Variants in PNOC observed in about 807,000 individuals in gnomAD.
PNOC encodes the protein prepronociceptin.
A neutral mutation model predicts 15.6 loss-of-function variants in PNOC; 10 were observed. The observed-to-expected ratio is 0.64, with a 90% CI of 0.40 to 1.09. The LOEUF (loss-of-function observed/expected upper bound fraction) is 1.09, where lower values mean the gene tolerates loss of function less well. PNOC is among the 50% of genes least tolerant of loss of function. PNOC has a pLI of 0.01. For missense variants in PNOC, 220 were observed against 223.9 expected, an observed-to-expected ratio of 0.98 and a Z score of 0.11; for synonymous variants, 98 against 88.5, an observed-to-expected ratio of 1.11 and a Z score of -0.60.
intron 2 of PNOC, among the ~76,000 whole-genome samples, chr8:28,330,955 C>T (rs186953476): frequency 5.3e-5 from 8 of 152,024 alleles, no homozygotes; most frequent in Admixed American, 2.6e-4. Flanking sequence ...TCTTTTAAAC[C>T]CCTTAACCTT....
At position 28,339,379 on chromosome 8, in the gene PNOC, T is replaced by C. The variant is rs1390366231; in HGVS notation, c.466T>C (p.Tyr156His). 6.3e-7 allele frequency: 1 copy of C among 1,589,390 alleles called. No homozygotes were observed. Among genetic ancestry groups the C allele is most frequent in the Non-Finnish European group, 8.6e-7 (1 of 1,164,380 alleles). Residue 156 changes from tyrosine (Y) to histidine (H), a missense_variant, in exon 3 of 4, where the codon TAC (tyrosine) becomes CAC (histidine). By Grantham distance (83) the Tyr-to-His change is moderately conservative (BLOSUM62 2). Transcript: ENST00000301908. Reference sequence around the variant, plus strand: ...GCGGTTCAGTGAGTTTATGAGGCAATACTTGGTCCTGAGCATGCAGTCCAG... The same window carrying C: ...GCGGTTCAGTGAGTTTATGAGGCAACACTTGGTCCTGAGCATGCAGTCCAG... ...QKRFSEFMRQ[Y>H]LVLSMQSSQR...
chr8:28,321,526 C>G (rs1025488942), intron 1 of PNOC, among the ~76,000 whole-genome samples: 27 of 152,080 alleles, frequency 1.8e-4, no homozygotes, highest in Non-Finnish European at 3.2e-4. Context: ...CCCCATAAAG[C>G]CTTCATCTCC....
At chr8:28,330,412 T>TTTTTTTTTTTTTTTTTTTA (rs1382350131) in intron 2 of PNOC, among the ~76,000 whole-genome samples, 1 of 143,594 alleles carries the variant, frequency 7.0e-6, no homozygotes. Flanking sequence ...TTTTTTTTTT[T>TTTTTTTTTTTTTTTTTTTA]GAGACGGAGT....
rs78525589 is a variant in PNOC, at chr8:28,334,367, C to T, written c.127-4673C>T. 9.2e-3 allele frequency among the ~76,000 whole-genome samples: 1,394 copies of T among 152,278 alleles called. 15 individuals carry two copies. Among genetic ancestry groups the T allele is most frequent in the African/African-American group, 0.032 (1,317 of 41,542 alleles). ...AGCAAGTTCCAAAACAGGATTTCTC[C>T]AGGTATCATCCAGTCTCAGAATCAC... On this transcript the variant is annotated intron_variant, in intron 2 of 3. Coordinates refer to ENST00000301908, the MANE Select transcript of PNOC (RefSeq NM_006228.5).
intron 2 of PNOC, among the ~76,000 whole-genome samples, chr8:28,336,255 TG>T (rs1422649072): frequency 6.6e-6 from 1 of 152,256 alleles, no homozygotes; most frequent in Non-Finnish European, 1.5e-5. Flanking sequence ...GAGTAAGATG[TG>T]GTCCCTAACT....
At chr8:28,322,859 C>T (rs1801171867) in intron 1 of PNOC, among the ~76,000 whole-genome samples, 1 of 152,180 alleles carries the variant, frequency 6.6e-6, no homozygotes, top group Admixed American at 6.5e-5. Context: ...ACTTGCTTAA[C>T]CTCTAAGAGT....
chr8:28,322,172 C>T lies in PNOC; in HGVS notation c.-24+4856C>T, dbSNP rs139512170. On this transcript the variant is annotated intron_variant, in intron 1 of 3. Coordinates refer to ENST00000301908, the MANE Select transcript of PNOC (RefSeq NM_006228.5). ...GGGAGGCTGAGGCGGGAGGATCATT[C>T]GAGGTCAGGAGTTTGAGACCAGACT... 5.1e-3 allele frequency among the ~76,000 whole-genome samples: 770 copies of T among 151,620 alleles called. 5 individuals carry two copies. The highest frequency in any genetic ancestry group is 7.1e-3 in the Non-Finnish European group (483 of 67,846).
intron 3 of PNOC, among the ~76,000 whole-genome samples, chr8:28,340,824 C>G (rs1801505118): frequency 6.6e-6 from 1 of 152,184 alleles, no homozygotes; most frequent in Non-Finnish European, 1.5e-5. Flanking sequence ...CTTTAACAAC[C>G]AGATCTCCCA....
At position 28,337,645 on chromosome 8, in the gene PNOC, C is replaced by T. The variant is rs142480789; in HGVS notation, c.127-1395C>T. Among the ~76,000 whole-genome samples, 18 of 146,868 alleles carry T rather than the reference C, an allele frequency of 1.2e-4. No individual in the cohort carries two copies. The East Asian group carries it at 2.4e-3, about 20-fold the overall frequency. ...TCGCCCAGCGTCAAGTGCAGTGGCACGATCTCGGTTCACTGCAAGCTCCGC... is the reference window on the plus strand; with the variant it reads ...TCGCCCAGCGTCAAGTGCAGTGGCATGATCTCGGTTCACTGCAAGCTCCGC... On this transcript the variant is annotated intron_variant, in intron 2 of 3. Coordinates refer to ENST00000301908, the MANE Select transcript of PNOC (RefSeq NM_006228.5).
rs34315819 is a variant in PNOC, at chr8:28,342,354, C to CA, written c.*48-566dup. Among the ~76,000 whole-genome samples the CA allele has an allele frequency of 1.3e-3, 111 of 85,086 alleles. 2 individuals carry two copies. Among genetic ancestry groups the CA allele is most frequent in the South Asian group, 5.6e-3 (14 of 2,480 alleles). The allele number at this position is 85,086 out of a possible 152,430, so 55.8% of individuals were successfully genotyped here. On this transcript the variant is annotated intron_variant, in intron 3 of 3. Coordinates refer to ENST00000301908, the MANE Select transcript of PNOC (RefSeq NM_006228.5). ...GGGCAACAAGAAAGAAACCCCATCT[C>CA]AAAAAAAAAAAAAAAAAAAAAAGAA...
At chr8:28,342,038 G>A (rs948521834) in intron 3 of PNOC, among the ~76,000 whole-genome samples, 3 of 152,064 alleles carry the variant, frequency 2.0e-5, no homozygotes, top group African/African-American at 4.8e-5. Flanking sequence ...CCTTACACTG[G>A]AATGGGATAA....
chr8:28,339,300 A>G lies in PNOC; in HGVS notation c.387A>G (p.Arg129=). 1 of 1,612,176 alleles carries G rather than the reference A, an allele frequency of 6.2e-7. No individual in the cohort carries two copies. Among genetic ancestry groups the G allele is most frequent in the Non-Finnish European group, 8.5e-7 (1 of 1,178,580 alleles). ...GEMEQKQLQK[R]FGGFTGARKS... ...TGGAGCAGAAGCAGCTGCAGAAGAG[A>G]TTTGGGGGCTTCACCGGGGCCCGGA... is the stretch of plus-strand genomic sequence containing the variant. The change falls in exon 3 of 4, where the codon AGA becomes AGG. Residue 129 remains arginine, a synonymous_variant. Transcript: ENST00000301908.
At chr8:28,331,368 C>A (rs1438970102) in intron 2 of PNOC, among the ~76,000 whole-genome samples, 1 of 152,150 alleles carries the variant, frequency 6.6e-6, no homozygotes, top group Non-Finnish European at 1.5e-5. Flanking sequence ...AACACCAGCC[C>A]TCTCTCGGTC....
chr8:28,338,695 G>T, intron 2 of PNOC: 1 of 1,032,038 alleles, frequency 9.7e-7, no homozygotes, highest in Non-Finnish European at 1.2e-6. Flanking sequence ...GCTGTGCTTG[G>T]CTCCAAAAAC....
intron 3 of PNOC, chr8:28,340,323 C>T (rs906001979): frequency 6.6e-6 from 1 of 152,190 alleles, no homozygotes; most frequent in Non-Finnish European, 1.5e-5. Context: ...CTGCTCTGTT[C>T]CTATACCCAC....
chr8:28,317,413 G>C (rs1801076833), intron 1 of PNOC, 97 bp downstream of exon 1: 2 of 152,516 alleles, frequency 1.3e-5, no homozygotes, highest in South Asian at 4.1e-4. Flanking sequence ...TGGCTCCTCG[G>C]CCTCTCTCCT....
At chr8:28,333,668 C>T (rs902537814) in intron 2 of PNOC, among the ~76,000 whole-genome samples, 1 of 152,192 alleles carries the variant, frequency 6.6e-6, no homozygotes, top group African/African-American at 2.4e-5. Flanking sequence ...ATTTCATTTT[C>T]TCTGACTGAC....
chr8:28,337,297 G>T (rs1229290203), intron 2 of PNOC, among the ~76,000 whole-genome samples: 3 of 142,416 alleles, frequency 2.1e-5, no homozygotes. Context: ...CCCATCTGAT[G>T]CCCGATCACC....
intron 2 of PNOC, among the ~76,000 whole-genome samples, chr8:28,335,508 T>G (rs2129892218): frequency 6.6e-6 from 1 of 152,294 alleles, no homozygotes; most frequent in Admixed American, 6.5e-5. Flanking sequence ...TCTTCAGAGA[T>G]TTAGTTGAGT....
Sources: allele counts gnomAD v4.1 joint callset (sites outside exome capture counted in the v4.1 genomes callset), GRCh38; gene constraint gnomAD v4.1.1; transcripts MANE v1.5; gene names NCBI Gene and HGNC (gene_info 2026-07-23, HGNC 2026-07-21).